APOL4: variants seen among roughly 807,000 people sequenced by gnomAD.
APOL4 encodes the protein apolipoprotein L4, also known as apolipoprotein L, 4.
APOL4 carries 14 observed loss-of-function variants against 12.1 expected under a neutral mutation model. That is an observed-to-expected ratio of 1.16 (90% CI 0.76 to 1.81). The LOEUF is 1.81. Among genes scored for constraint, APOL4 ranks in the 40% most tolerant of loss-of-function variants. The probability of loss-of-function intolerance (pLI) is 0.00; values close to 1 mark genes in which losing one functional copy is unlikely to be tolerated. For missense variants in APOL4, 432 were observed against 423.1 expected, an observed-to-expected ratio of 1.02 and a Z score of -0.18; for synonymous variants, 171 against 160.6, an observed-to-expected ratio of 1.06 and a Z score of -0.49.
At chr22:36,204,583 G>T (rs2014673050), upstream of APOL4, 3 of 353,064 alleles carry the variant, frequency 8.5e-6, no homozygotes, top group Non-Finnish European at 1.0e-5. Context: ...TAGAGCTATT[G>T]CGAGAATAAG....
rs114592237 is a variant in APOL4 at position 36,189,361 on chromosome 22, C to G, written c.*1714G>C. On this transcript the variant is annotated 3_prime_UTR_variant, in exon 4 of 4. Transcript: ENST00000683024. ...GGGCACCATGGAAATGGCTCATTAC[C>G]CGGCCTTCAGGGTTCAAGCAGGGGA... 76 of 152,240 alleles carry G rather than the reference C, an allele frequency of 5.0e-4. 2 individuals are homozygous for G. Among genetic ancestry groups the G allele is most frequent in the African/African-American group, 1.8e-3 (74 of 41,504 alleles). 9.4% of individuals were successfully genotyped at this position (152,240 alleles called of 1,614,324 possible). A position where few individuals can be genotyped will look rare whatever the true frequency, so the allele number is the denominator to read the frequency against.
intron 3 of APOL4, among the ~76,000 whole-genome samples, chr22:36,192,618 T>C (rs910526765): frequency 2.0e-5 from 3 of 152,076 alleles, no homozygotes; most frequent in African/African-American, 7.2e-5. Context: ...AGTGATGAAT[T>C]AACTTTATTA....
At position 36,191,298 on chromosome 22, in the gene APOL4, C is replaced by T. The variant is rs61730819; in HGVS notation, c.824G>A (p.Arg275His). Residue 275 changes from arginine (R) to histidine (H), a missense_variant, in exon 4 of 4, where the codon CGT becomes CAT. By Grantham distance (29) the Arg-to-His change is conservative. Coordinates refer to ENST00000683024, the MANE Select transcript of APOL4 (RefSeq NM_001386885.1). ...PINVVETLRTRGAPTRIVRKV... is the reference protein window; with the variant it reads ...PINVVETLRTHGAPTRIVRKV... ...TCTCACTATCCGGGTGGGGGCCCCA[C>T]GTGTTCTCAGTGTCTCAACAACATT... 10,592 of 1,614,008 alleles carry T rather than the reference C, an allele frequency of 6.6e-3. 444 individuals carry two copies. In the African/African-American group the frequency reaches 0.11, roughly 16 times the overall value.
intron 1 of APOL4, among the ~76,000 whole-genome samples, chr22:36,200,631 A>G (rs1233941555): frequency 6.6e-6 from 1 of 152,212 alleles, no homozygotes; most frequent in Non-Finnish European, 1.5e-5. Flanking sequence ...AACTGCCCAC[A>G]TTTGATTTTA....
At chr22:36,200,617 G>A (rs1012120341) in intron 1 of APOL4, among the ~76,000 whole-genome samples, 1 of 152,180 alleles carries the variant, frequency 6.6e-6, no homozygotes, top group Non-Finnish European at 1.5e-5. Context: ...CCTCCTTCAC[G>A]TAAAACTGCC....
chr22:36,195,218 C>T, intron 3 of APOL4, 93 bp downstream of exon 3: 4 of 1,495,998 alleles, frequency 2.7e-6, no homozygotes, highest in Non-Finnish European at 3.6e-6. Context: ...AGGGGGCTGC[C>T]TGGAGGAGGT....
chr22:36,203,634 G>A (rs971480365), upstream of APOL4, among the ~76,000 whole-genome samples: 5 of 152,144 alleles, frequency 3.3e-5, no homozygotes, highest in African/African-American at 7.2e-5. Flanking sequence ...CTAGATAACC[G>A]GTTAGACTAG....
rs1454064512 is a variant in APOL4, at chr22:36,201,768, T to C, written c.-34A>G. On this transcript the variant is annotated 5_prime_UTR_variant, in exon 1 of 4. Transcript: ENST00000683024. ...GTCATTGTTGGCCTGGCTCAGACGC[T>C]GATCTGGGGCCTCTGCTGAATGTTG... 1 of 1,597,766 alleles carries C rather than the reference T, an allele frequency of 6.3e-7. No individual in the cohort carries two copies.
At chr22:36,201,637 A>G (rs552999709) in intron 1 of APOL4, 63 bp downstream of exon 1, 162,767 of 1,366,298 alleles carry the variant, frequency 0.12, 49,531 homozygotes, top group East Asian at 0.75. Flanking sequence ...GAGCCAGTAG[A>G]ACTGGGAGGA....
At chr22:36,192,737 C>G (rs1332547513) in intron 3 of APOL4, among the ~76,000 whole-genome samples, 1 of 152,146 alleles carries the variant, frequency 6.6e-6, no homozygotes, top group Non-Finnish European at 1.5e-5. Context: ...TGGCTACAGG[C>G]CAGTATAGCA....
chr22:36,201,373 G>A (rs991123829), intron 1 of APOL4, among the ~76,000 whole-genome samples: 3 of 150,312 alleles, frequency 2.0e-5, no homozygotes, highest in Admixed American at 6.6e-5. Flanking sequence ...AAAGCCACTC[G>A]CCTCCCTCTT....
upstream of APOL4, among the ~76,000 whole-genome samples, chr22:36,204,351 T>A (rs1330156114): frequency 1.3e-5 from 2 of 152,134 alleles, no homozygotes; most frequent in Non-Finnish European, 1.5e-5. Flanking sequence ...CCTGGCCATG[T>A]CTCAGCAGTC....
chr22:36,202,156 C>A, upstream of APOL4: 5 of 1,531,454 alleles, frequency 3.3e-6, no homozygotes, highest in Admixed American at 8.6e-5. Context: ...ACCCAGGCTG[C>A]AGGGCTTTGA....
chr22:36,200,809 C>T (rs1322480934), intron 1 of APOL4, among the ~76,000 whole-genome samples: 1 of 152,212 alleles, frequency 6.6e-6, no homozygotes, highest in Admixed American at 6.5e-5. Context: ...TCAGTAGTCT[C>T]TTTATCAGGA....
Position 36,198,859 on chromosome 22 carries a change from C to A in APOL4, c.82+471G>T, listed in dbSNP as rs141049060. On this transcript the variant is annotated intron_variant, in intron 2 of 3. Coordinates refer to ENST00000683024, the MANE Select transcript of APOL4 (RefSeq NM_001386885.1). ...CACAGGGCCACTCAGAGCAGAGGGGCTGGTGCAGGGCAAGAGCTGGAGGGA... is the reference window on the plus strand; with the variant it reads ...CACAGGGCCACTCAGAGCAGAGGGGATGGTGCAGGGCAAGAGCTGGAGGGA... 6.2e-3 allele frequency among the ~76,000 whole-genome samples: 945 copies of A among 152,284 alleles called. 4 individuals are homozygous for A. Among genetic ancestry groups the A allele is most frequent in the Admixed American group, 0.013 (200 of 15,302 alleles).
At chr22:36,200,809 C>G (rs1322480934) in intron 1 of APOL4, among the ~76,000 whole-genome samples, 1 of 152,212 alleles carries the variant, frequency 6.6e-6, no homozygotes, top group Non-Finnish European at 1.5e-5. Context: ...TCAGTAGTCT[C>G]TTTATCAGGA....
intron 1 of APOL4, chr22:36,199,631 T>C (rs1295437749): frequency 6.4e-7 from 1 of 1,551,936 alleles, no homozygotes; most frequent in Non-Finnish European, 8.7e-7. Flanking sequence ...GAGGAGAAGA[T>C]AATCAGAGGA....
chr22:36,195,252 C>A (rs529310560), intron 3 of APOL4, 59 bp downstream of exon 3: 2 of 1,574,704 alleles, frequency 1.3e-6, no homozygotes, highest in Non-Finnish European at 1.7e-6. Flanking sequence ...AAAACTAGCC[C>A]GGGGAGATCT....
chr22:36,193,148 G>A (rs1351783518), intron 3 of APOL4, among the ~76,000 whole-genome samples: 2 of 152,134 alleles, frequency 1.3e-5, no homozygotes, highest in Non-Finnish European at 2.9e-5. Context: ...TGTCTGACCT[G>A]CCTTTAGGGA....
Sources: allele counts gnomAD v4.1 joint callset (sites outside exome capture counted in the v4.1 genomes callset), GRCh38; gene constraint gnomAD v4.1.1; transcripts MANE v1.5; gene names NCBI Gene and HGNC (gene_info 2026-07-23, HGNC 2026-07-21).